The following MIDEAS variants were observed in gnomAD, a reference collection of about 807,000 sequenced individuals.
MIDEAS encodes the protein mitotic deacetylase associated SANT domain protein.
A neutral mutation model predicts 102.7 loss-of-function variants in MIDEAS; 26 were observed. That is an observed-to-expected ratio of 0.25 (90% CI 0.19 to 0.35). The LOEUF is 0.35. MIDEAS is among the 10% of genes least tolerant of loss of function. MIDEAS has a pLI of 1.00. For synonymous variants in MIDEAS, 585 were observed against 591.0 expected (o/e 0.99, Z 0.15); for missense variants, 1,231 against 1,435.6 (o/e 0.86, Z 2.30).
chr14:73,764,344 A>AC (rs1491559352), upstream of MIDEAS, among the ~76,000 whole-genome samples: 42 of 58,682 alleles, frequency 7.2e-4, no homozygotes, highest in African/African-American at 3.0e-3. Context: ...TGTCTCAAAA[A>AC]AAAAAAAAAA....
intron 1 of MIDEAS, among the ~76,000 whole-genome samples, chr14:73,786,434 T>C (rs79171485): frequency 0.012 from 1,813 of 152,278 alleles, 38 homozygotes; most frequent in African/African-American, 0.042. Flanking sequence ...TACGTGGGTG[T>C]GCTGACAGTT....
chr14:73,740,853 CCA>C (rs1566594402), intron 1 of MIDEAS, among the ~76,000 whole-genome samples: 3 of 152,234 alleles, frequency 2.0e-5, no homozygotes, highest in Admixed American at 6.5e-5. Flanking sequence ...CTGTGCAGCC[CCA>C]GAGTCAGGAG....
At chr14:73,779,394 CA>C (rs35902307) in intron 1 of MIDEAS, among the ~76,000 whole-genome samples, 17,655 of 103,976 alleles carry the variant, frequency 0.17, 1,554 homozygotes, top group African/African-American at 0.33. Flanking sequence ...GATTCCATCT[CA>C]AAAAAAAAAA....
intron 1 of MIDEAS, among the ~76,000 whole-genome samples, chr14:73,785,359 C>T (rs939574614): frequency 3.3e-5 from 5 of 152,156 alleles, no homozygotes; most frequent in African/African-American, 1.2e-4. Flanking sequence ...ATGGGAGGAT[C>T]CCTGCTCTGG....
upstream of MIDEAS, among the ~76,000 whole-genome samples, chr14:73,763,995 T>A (rs906717276): frequency 6.6e-6 from 1 of 152,156 alleles, no homozygotes; most frequent in Non-Finnish European, 1.5e-5. Context: ...TTAATTATTT[T>A]TACTGTTTTA....
rs552457296 is a variant in MIDEAS, at chr14:73,753,653, T to C, written c.-248+6110A>G. ...CCTTGGAGGAAATGAATAGTCCAAC[T>C]CTTCCAGTTCCACAGCTGGCTGAGA... On this transcript the variant is annotated intron_variant, in intron 1 of 12. Transcript: ENST00000423556. Among the ~76,000 whole-genome samples the C allele has an allele frequency of 5.3e-5, 8 of 152,320 alleles. No individual in the cohort carries two copies. The South Asian group carries it at 1.7e-3, about 32-fold the overall frequency.
intron 1 of MIDEAS, among the ~76,000 whole-genome samples, chr14:73,767,281 C>G (rs891885478): frequency 6.6e-6 from 1 of 152,162 alleles, no homozygotes; most frequent in African/African-American, 2.4e-5. Context: ...GAGGCCTGCA[C>G]TGCAAAGCCC....
chr14:73,780,140 C>T (rs1229843653), intron 1 of MIDEAS, among the ~76,000 whole-genome samples: 1 of 151,892 alleles, frequency 6.6e-6, no homozygotes, highest in Non-Finnish European at 1.5e-5. Context: ...TCCCAAAGTG[C>T]TGCGATTACA....
At chr14:73,750,076 T>G (rs901480208) in intron 1 of MIDEAS, among the ~76,000 whole-genome samples, 1 of 152,078 alleles carries the variant, frequency 6.6e-6, no homozygotes, top group Non-Finnish European at 1.5e-5. Flanking sequence ...CTACAAAATA[T>G]CCAAAAGACA....
In MIDEAS at chr14:73,739,509, C is replaced by T. The variant is rs778847892; in HGVS notation, c.500G>A (p.Arg167Gln). ...CAGCTGTGGGCCCCCCGCTTTCTCC[C>T]GCTTCAGTGCCTCAGGGTGGTTATA... ...TYYNHPEALK[R>Q]EKAGGPQLDR... Residue 167 changes from arginine (R) to glutamine (Q), a missense_variant, in exon 2 of 13, where the codon CGG becomes CAG. Coordinates refer to ENST00000423556, the MANE Select transcript of MIDEAS (RefSeq NM_001367710.1). The T allele has an allele frequency of 6.8e-6, 11 of 1,613,492 alleles. No individual in the cohort carries two copies. The highest frequency in any genetic ancestry group is 4.0e-5 in the African/African-American group (3 of 74,932).
chr14:73,719,386 A>G lies in MIDEAS; in HGVS notation c.3053T>C (p.Phe1018Ser). The stretch of plus-strand genomic sequence containing the variant: ...CTCTGTTTTTTTCTTCTTCTCTGAA[A>G]AAGGTAGTGCCCTTCGTGACTTCCC... ...GTGKSRRALP[F>S]SEKKKKTETF... The change falls in exon 12 of 13, where the codon TTT becomes TCT. Residue 1018 changes from phenylalanine (F) to serine (S), a missense_variant. Phe to Ser is a radical substitution (Grantham distance 155, BLOSUM62 -2). This residue lies in a region of MIDEAS where 391 missense variants were observed against 483.0 expected (regional missense o/e 0.81). Coordinates refer to ENST00000423556, the MANE Select transcript of MIDEAS (RefSeq NM_001367710.1). The G allele has an allele frequency of 1.2e-6, 2 of 1,614,024 alleles. No individual in the cohort carries two copies. Among genetic ancestry groups the G allele is most frequent in the African/African-American group, 1.3e-5 (1 of 75,020 alleles).
chr14:73,754,805 T>C (rs1329223063), intron 1 of MIDEAS: 2 of 152,182 alleles, frequency 1.3e-5, no homozygotes, highest in Admixed American at 1.3e-4. Flanking sequence ...ATGGGGGCCT[T>C]ACCTACTAAA....
rs567181899 is a variant in MIDEAS at position 73,737,035 on chromosome 14, C to T, written c.1712G>A (p.Arg571Gln). 1.5e-5 allele frequency: 25 copies of T among 1,613,670 alleles called. No homozygotes were observed. Among genetic ancestry groups the T allele is most frequent in the South Asian group, 9.9e-5 (9 of 91,068 alleles). ...ATCTGTCCCGGGGATTCGGGTGGAC[C>T]GCCTGCGGGTGACGATGACTGATGG... The part of the protein sequence containing the change: ...HKPSVIVTRR[R>Q]STRIPGTDAQ... The change falls in exon 3 of 13, where the codon CGG becomes CAG. Residue 571 changes from arginine to glutamine, a missense_variant. Transcript: ENST00000423556.
At chr14:73,731,097 G>T (rs2140109609) in intron 3 of MIDEAS, among the ~76,000 whole-genome samples, 1 of 152,342 alleles carries the variant, frequency 6.6e-6, no homozygotes, top group South Asian at 2.1e-4. Context: ...ACTTCTCCCT[G>T]CTAGGTACGC....
At position 73,726,192 on chromosome 14, in the gene MIDEAS, G is replaced by A. The variant is rs538588321; in HGVS notation, c.2410-84C>T. The A allele has an allele frequency of 1.1e-5, 12 of 1,099,016 alleles. No individual in the cohort carries two copies. The East Asian group carries it at 2.6e-4, about 23-fold the overall frequency. 68.1% of individuals were successfully genotyped at this position (1,099,016 alleles called of 1,614,324 possible). A position where few individuals can be genotyped will look rare whatever the true frequency, so the allele number is the denominator to read the frequency against. ...GCATTCTAGGCCCTGATAAAATCCCGAGTAGGGTGGACACTTACTCTTGCC... is the reference window on the plus strand; with the variant it reads ...GCATTCTAGGCCCTGATAAAATCCCAAGTAGGGTGGACACTTACTCTTGCC... On this transcript the variant is annotated intron_variant, in intron 7 of 12. Coordinates refer to ENST00000423556, the MANE Select transcript of MIDEAS (RefSeq NM_001367710.1).
At position 73,739,904 on chromosome 14, in the gene MIDEAS, G is replaced by T. The variant is rs766441826; in HGVS notation, c.105C>A (p.Pro35=). The stretch of plus-strand genomic sequence containing the variant: ...CCTCCTTCACTCTGATGGACTGCTG[G>T]GGGGGCTGCAGGGGAGGGGGCTGCT... ...PKEQPPPLQP[P]QQSIRVKEEQ... Residue 35 remains proline (P), a synonymous_variant, in exon 2 of 13, where the codon CCC becomes CCA. Transcript: ENST00000423556. The T allele has an allele frequency of 3.9e-6, 6 of 1,553,876 alleles. No homozygotes were observed. Among genetic ancestry groups the T allele is most frequent in the East Asian group, 4.5e-5 (2 of 44,228 alleles).
At chr14:73,756,359 C>T (rs540919527) in intron 1 of MIDEAS, among the ~76,000 whole-genome samples, 1 of 152,098 alleles carries the variant, frequency 6.6e-6, no homozygotes, top group South Asian at 2.1e-4. Flanking sequence ...CAGTTTCCAA[C>T]ATTAAAGTTA....
intron 1 of MIDEAS, among the ~76,000 whole-genome samples, chr14:73,748,889 C>T (rs761247107): frequency 1.3e-5 from 2 of 151,950 alleles, no homozygotes; most frequent in African/African-American, 4.8e-5. Flanking sequence ...CAGTTATAGA[C>T]ATGCATGTAC....
In MIDEAS at chr14:73,759,426, G is replaced by A. The variant is rs1232746039; in HGVS notation, c.-248+337C>T. Among the ~76,000 whole-genome samples, 2 of 150,966 alleles carry A rather than the reference G, an allele frequency of 1.3e-5. No individual in the cohort carries two copies. Among genetic ancestry groups the A allele is most frequent in the South Asian group, 2.1e-4 (1 of 4,794 alleles). ...GCCGGGTGGGGAGGGCTTTCCTGGC[G>A]GGGCCGCGCCCGGGTGGGCGGGGGC... is the stretch of plus-strand genomic sequence containing the variant. On this transcript the variant is annotated intron_variant, in intron 1 of 12. Coordinates refer to ENST00000423556, the MANE Select transcript of MIDEAS (RefSeq NM_001367710.1). The surrounding 1 kb of genome is among the most constrained non-coding windows in gnomAD (Gnocchi z 6.7).
Sources: allele counts gnomAD v4.1 joint callset (sites outside exome capture counted in the v4.1 genomes callset), GRCh38; gene constraint gnomAD v4.1.1; regional missense constraint gnomAD v4.1.1; non-coding constraint Gnocchi (gnomAD v3.1); transcripts MANE v1.5; gene names NCBI Gene and HGNC (gene_info 2026-07-23, HGNC 2026-07-21).